PTN: variants seen among roughly 807,000 people sequenced by gnomAD.
PTN encodes the protein pleiotrophin.
In PTN, 18 loss-of-function variants were observed where a neutral mutation model predicts 24.1. That is an observed-to-expected ratio of 0.75 (90% CI 0.52 to 1.11). PTN has a LOEUF of 1.11. Ranked by LOEUF, PTN falls within the 50% of genes least tolerant of loss-of-function variation. PTN has a pLI of 0.00. For synonymous variants in PTN, 78 were observed against 68.6 expected, an observed-to-expected ratio of 1.14 and a Z score of -0.67; for missense variants, 163 against 198.8, an observed-to-expected ratio of 0.82 and a Z score of 1.08.
At chr7:137,337,831 T>A (rs1810474235) in intron 1 of PTN, among the ~76,000 whole-genome samples, 1 of 152,136 alleles carries the variant, frequency 6.6e-6, no homozygotes, top group Admixed American at 6.6e-5. Context: ...GGCAAGGGGA[T>A]TAGGCATAGA....
At chr7:137,324,433 A>AAAAAAAATATATATATATATATATATAT in intron 1 of PTN, among the ~76,000 whole-genome samples, 21 of 88,730 alleles carry the variant, frequency 2.4e-4, no homozygotes, top group African/African-American at 1.5e-3. Flanking sequence ...AAAAAAAAAA[A>AAAAAAAATATATATATATATATATATAT]ATATATATAT....
chr7:137,253,734 G>T, intron 2 of PTN, 97 bp from the exon 3 acceptor site: 3 of 1,103,334 alleles, frequency 2.7e-6, no homozygotes, highest in South Asian at 2.5e-5. Context: ...TGCAGGATCT[G>T]TGTTTTTTAA....
chr7:137,273,870 T>C (rs1809316190), intron 1 of PTN, among the ~76,000 whole-genome samples: 1 of 152,150 alleles, frequency 6.6e-6, no homozygotes. Flanking sequence ...TTCATCAAGA[T>C]ATCCTTTGCA....
intron 1 of PTN, among the ~76,000 whole-genome samples, chr7:137,330,116 G>A (rs752498315): frequency 2.0e-5 from 3 of 151,974 alleles, no homozygotes; most frequent in Non-Finnish European, 2.9e-5. Context: ...GTGAAACCCC[G>A]TCTTTACTAA....
At chr7:137,242,903 A>C (rs1411383570) in intron 4 of PTN, among the ~76,000 whole-genome samples, 1 of 152,204 alleles carries the variant, frequency 6.6e-6, no homozygotes, top group East Asian at 1.9e-4. Context: ...ATAGTGAGCC[A>C]TCATCTAAGG....
intron 1 of PTN, among the ~76,000 whole-genome samples, chr7:137,342,978 T>C (rs918397426): frequency 4.6e-5 from 7 of 152,032 alleles, no homozygotes; most frequent in Admixed American, 1.3e-4. Flanking sequence ...CTAAGAGTCA[T>C]GGGCTGACAG....
At chr7:137,335,791 G>T (rs540469546) in intron 1 of PTN, among the ~76,000 whole-genome samples, 1 of 152,238 alleles carries the variant, frequency 6.6e-6, no homozygotes, top group South Asian at 2.1e-4. Context: ...AATTACTAAG[G>T]CTTATATTTA....
At chr7:137,322,263 A>G (rs939767004) in intron 1 of PTN, among the ~76,000 whole-genome samples, 3 of 152,198 alleles carry the variant, frequency 2.0e-5, no homozygotes, top group Non-Finnish European at 4.4e-5. Flanking sequence ...TGGGCATTCA[A>G]TAAATATTTG....
chr7:137,227,845 C>T lies in PTN; in HGVS notation c.*175G>A. 1.7e-6 allele frequency: 1 copy of T among 589,032 alleles called. No homozygotes were observed. The highest frequency in any genetic ancestry group is 1.9e-5 in the African/African-American group (1 of 52,288). The allele number at this position is 589,032 out of a possible 1,614,324, so 36.5% of individuals were successfully genotyped here. A position where few individuals can be genotyped will look rare whatever the true frequency, so the allele number is the denominator to read the frequency against. ...CCTTTATTATAAGCCCCTACTGGTA[C>T]TATAGTATACATTTAAAAAACGCTA... is the stretch of plus-strand genomic sequence containing the variant. On this transcript the variant is annotated 3_prime_UTR_variant, in exon 5 of 5. Transcript: ENST00000348225.
intron 4 of PTN, among the ~76,000 whole-genome samples, chr7:137,248,654 C>T (rs141567772): frequency 0.011 from 1,703 of 152,122 alleles, 15 homozygotes; most frequent in Middle Eastern, 0.02. Flanking sequence ...CCCTCCAGCA[C>T]GGGTGACAGA....
chr7:137,250,121 T>C (rs985245289), intron 4 of PTN, among the ~76,000 whole-genome samples: 5 of 152,188 alleles, frequency 3.3e-5, no homozygotes, highest in Non-Finnish European at 7.3e-5. Flanking sequence ...AGTTAAAATA[T>C]ATGAGTAGAG....
At chr7:137,254,243 G>A (rs1808877965) in intron 2 of PTN, among the ~76,000 whole-genome samples, 1 of 150,716 alleles carries the variant, frequency 6.6e-6, no homozygotes, top group South Asian at 2.1e-4. Flanking sequence ...GATACAGTGA[G>A]TTGAGATCGC....
chr7:137,249,402 T>C (rs1233480783), intron 4 of PTN, among the ~76,000 whole-genome samples: 2 of 152,064 alleles, frequency 1.3e-5, no homozygotes, highest in African/African-American at 2.4e-5. Context: ...CCTTCTGAGA[T>C]GCATTCACAA....
intron 3 of PTN, 65 bp from the exon 4 acceptor site, chr7:137,251,456 A>T: frequency 6.5e-7 from 1 of 1,532,516 alleles, no homozygotes; most frequent in Non-Finnish European, 8.9e-7. Context: ...AGGATAATAA[A>T]GGCACACTTT....
chr7:137,343,492 G>A lies in PTN; in HGVS notation c.-55C>T, dbSNP rs11539934. ...TCAGTCTGCCTTTGTTGCAAGGGGC[G>A]AGGTTGCTACCGCTGAGTCCAGGTA... On this transcript the variant is annotated 5_prime_UTR_variant, in exon 1 of 5. Coordinates refer to ENST00000348225, the MANE Select transcript of PTN (RefSeq NM_002825.7). 1.9e-6 allele frequency: 1 copy of A among 518,862 alleles called. No individual in the cohort carries two copies. The highest frequency in any genetic ancestry group is 3.8e-6 in the Non-Finnish European group (1 of 259,836). The allele number at this position is 518,862 out of a possible 1,614,324, so 32.1% of individuals were successfully genotyped here.
intron 4 of PTN, among the ~76,000 whole-genome samples, chr7:137,230,883 C>T (rs976949222): frequency 6.6e-6 from 1 of 151,796 alleles, no homozygotes; most frequent in Non-Finnish European, 1.5e-5. Flanking sequence ...ATTTTAGTTC[C>T]CCAAATACAT....
intron 1 of PTN, among the ~76,000 whole-genome samples, chr7:137,282,960 A>G (rs993115746): frequency 6.6e-6 from 1 of 152,190 alleles, no homozygotes; most frequent in Admixed American, 6.5e-5. Flanking sequence ...GGATGAGGCT[A>G]CTTGATTTCC....
At position 137,251,398 on chromosome 7, in the gene PTN, G is replaced by C. The variant is rs201193807; in HGVS notation, c.290-7C>G. 6.2e-7 allele frequency: 1 copy of C among 1,613,752 alleles called. No individual in the cohort carries two copies. The highest frequency in any genetic ancestry group is 2.2e-5 in the East Asian group (1 of 44,866). ...AACTGGTATTTGCACTCCGCTAAAG[G>C]CAGGGTAGAACCAAACAGAAATCCT... On this transcript the variant is annotated splice_polypyrimidine_tract_variant and splice_region_variant and intron_variant, in intron 3 of 4. Transcript: ENST00000348225.
intron 4 of PTN, among the ~76,000 whole-genome samples, chr7:137,243,000 G>T (rs143505956): frequency 6.6e-6 from 1 of 152,208 alleles, no homozygotes; most frequent in Non-Finnish European, 1.5e-5. Context: ...GCAGTGGCAC[G>T]ATCTTGACTC....
Sources: allele counts gnomAD v4.1 joint callset (sites outside exome capture counted in the v4.1 genomes callset), GRCh38; gene constraint gnomAD v4.1.1; transcripts MANE v1.5; gene names NCBI Gene and HGNC (gene_info 2026-07-23, HGNC 2026-07-21).